Variants in DPYD observed in about 807,000 individuals in gnomAD.
DPYD encodes the protein dihydropyrimidine dehydrogenase.
DPYD carries 109 observed loss-of-function variants against 116.2 expected under a neutral mutation model. The observed-to-expected ratio is 0.94, with a 90% CI of 0.80 to 1.10. The LOEUF is 1.10. Ranked by LOEUF, DPYD falls within the 50% of genes least tolerant of loss-of-function variation. The pLI is 0.00. For synonymous variants in DPYD, 440 were observed against 432.0 expected, an observed-to-expected ratio of 1.02 and a Z score of -0.23; for missense variants, 1,302 against 1,254.5, an observed-to-expected ratio of 1.04 and a Z score of -0.57.
rs1661806414 is a variant in DPYD, at chr1:97,234,920, C to A, written c.2374G>T (p.Ala792Ser). The A allele has an allele frequency of 6.2e-7, 1 of 1,613,852 alleles. No individual in the cohort carries two copies. The highest frequency in any genetic ancestry group is 8.5e-7 in the Non-Finnish European group (1 of 1,179,986). The change falls in exon 19 of 23, where the codon GCT becomes TCT. Residue 792 changes from alanine (A) to serine (S), a missense_variant. By Grantham distance (99) the Ala-to-Ser change is moderately conservative. Transcript: ENST00000370192. The stretch of plus-strand genomic sequence containing the variant: ...TCAGCAGAGTCAATTCCACCAGTAG[C>A]CAAAATGGGAAATCCAGGCAGAGCA... ...ARALPGFPIL[A>S]TGGIDSAESG...
intron 11 of DPYD, among the ~76,000 whole-genome samples, chr1:97,553,746 A>T (rs1457768911): frequency 6.6e-6 from 1 of 151,994 alleles, no homozygotes; most frequent in Non-Finnish European, 1.5e-5. Flanking sequence ...TTGCATCTTG[A>T]TGGAGACTGT....
At chr1:97,667,196 G>C (rs1370207402) in intron 8 of DPYD, among the ~76,000 whole-genome samples, 2 of 152,086 alleles carry the variant, frequency 1.3e-5, no homozygotes, top group African/African-American at 4.8e-5. Context: ...TTATTAGTTA[G>C]AAATTTAAAT....
intron 3 of DPYD, among the ~76,000 whole-genome samples, chr1:97,823,963 A>G (rs1336781099): frequency 6.6e-6 from 1 of 150,860 alleles, no homozygotes; most frequent in Non-Finnish European, 1.5e-5. Context: ...GTGATTGAAC[A>G]TGTCCTGAAC....
intron 2 of DPYD, among the ~76,000 whole-genome samples, chr1:97,861,134 A>G (rs1196356107): frequency 6.6e-6 from 1 of 152,082 alleles, no homozygotes; most frequent in Admixed American, 6.6e-5. Context: ...ACCGCAAAAA[A>G]TAGACATAAA....
At chr1:97,232,530 G>C (rs1426696594) in intron 19 of DPYD, among the ~76,000 whole-genome samples, 1 of 151,934 alleles carries the variant, frequency 6.6e-6, no homozygotes, top group Non-Finnish European at 1.5e-5. Flanking sequence ...GGACATTAGT[G>C]TTACATCTTT....
intron 8 of DPYD, among the ~76,000 whole-genome samples, chr1:97,649,155 C>T (rs1658437252): frequency 6.6e-6 from 1 of 152,036 alleles, no homozygotes; most frequent in South Asian, 2.1e-4. Flanking sequence ...TGTTTGCCTA[C>T]ATATTGCAGT....
At chr1:97,103,477 G>A (rs1403952617) in intron 20 of DPYD, among the ~76,000 whole-genome samples, 2 of 152,126 alleles carry the variant, frequency 1.3e-5, no homozygotes, top group Non-Finnish European at 2.9e-5. Flanking sequence ...ATAGTGCTAT[G>A]TGATGGCTAA....
intron 12 of DPYD, among the ~76,000 whole-genome samples, chr1:97,522,958 CCT>C (rs1206366577): frequency 6.6e-6 from 1 of 151,966 alleles, no homozygotes; most frequent in Non-Finnish European, 1.5e-5. Context: ...ATCTCATTTA[CCT>C]ATATGCTATG....
At position 97,229,207 on chromosome 1, in the gene DPYD, AAAAAAAAAAAAAG is replaced by A. The variant is rs1277540509; in HGVS notation, c.2442+5632_2442+5644del. 6.4e-3 allele frequency among the ~76,000 whole-genome samples: 920 copies of A among 144,862 alleles called. 13 individuals are homozygous for A. The highest frequency in any genetic ancestry group is 0.024 in the African/African-American group (887 of 37,022). ...CAACAGTGCGAGACTCCTTCTCAAAAAAAAAAAAAAAAGAAAAAAAAAAAAGAATTTGATGGGA... is the reference window on the plus strand; with the variant it reads ...CAACAGTGCGAGACTCCTTCTCAAAAAAAAAAAAAAAAGAATTTGATGGGA... On this transcript the variant is annotated intron_variant, in intron 19 of 22. Transcript: ENST00000370192.
chr1:97,208,385 T>C (rs933575505), intron 19 of DPYD, among the ~76,000 whole-genome samples: 1 of 151,230 alleles, frequency 6.6e-6, no homozygotes, highest in African/African-American at 2.4e-5. Flanking sequence ...CCTGGGCACA[T>C]GCAATCCTCC....
At chr1:97,110,560 A>G (rs956910974) in intron 20 of DPYD, among the ~76,000 whole-genome samples, 2 of 152,126 alleles carry the variant, frequency 1.3e-5, no homozygotes, top group African/African-American at 4.8e-5. Context: ...TGTCATCCTA[A>G]AAACAAATAT....
intron 5 of DPYD, among the ~76,000 whole-genome samples, chr1:97,711,798 T>C (rs1478425346): frequency 2.0e-5 from 3 of 152,028 alleles, no homozygotes; most frequent in Non-Finnish European, 4.4e-5. Context: ...GTCAATATTA[T>C]AAAACTTTTT....
At chr1:97,570,722 T>A (rs920240674) in intron 11 of DPYD, among the ~76,000 whole-genome samples, 9 of 151,896 alleles carry the variant, frequency 5.9e-5, no homozygotes, top group Non-Finnish European at 8.8e-5. Flanking sequence ...GTGAACTTTT[T>A]TTTTTTTACT....
intron 3 of DPYD, among the ~76,000 whole-genome samples, chr1:97,762,955 C>G (rs1228821599): frequency 6.6e-6 from 1 of 152,048 alleles, no homozygotes; most frequent in Admixed American, 6.6e-5. Context: ...ATAAAAAGCT[C>G]CTTCTTCCTA....
chr1:97,683,553 T>C (rs1385556089), intron 7 of DPYD, among the ~76,000 whole-genome samples: 1 of 151,986 alleles, frequency 6.6e-6, no homozygotes, highest in Non-Finnish European at 1.5e-5. Context: ...TCTTCATTCA[T>C]ATTTTATACT....
chr1:97,420,932 TCTG>T (rs1674548380), intron 14 of DPYD, among the ~76,000 whole-genome samples: 1 of 152,208 alleles, frequency 6.6e-6, no homozygotes, highest in South Asian at 2.1e-4. Flanking sequence ...GTGTTTCTCA[TCTG>T]CACATAGTTT....
At position 97,920,996 on chromosome 1, in the gene DPYD, G is replaced by A. The variant is rs1558055216; in HGVS notation, c.-74C>T. On this transcript the variant is annotated 5_prime_UTR_variant, in exon 1 of 23. Coordinates refer to ENST00000370192, the MANE Select transcript of DPYD (RefSeq NM_000110.4). ...CCTCAAGCTCCAGCCAGAGAGCCAA[G>A]TGACAGCAGCCGGAGCGCGAGTCGA... The A allele has an allele frequency of 3.3e-6, 5 of 1,537,392 alleles. No homozygotes were observed. In the East Asian group the frequency reaches 9.8e-5, roughly 30 times the overall value.
intron 3 of DPYD, among the ~76,000 whole-genome samples, chr1:97,772,566 T>C (rs981841647): frequency 6.6e-6 from 1 of 152,188 alleles, no homozygotes; most frequent in Non-Finnish European, 1.5e-5. Flanking sequence ...AACAGATGCA[T>C]TGTTTGTGTG....
intron 21 of DPYD, among the ~76,000 whole-genome samples, chr1:97,090,315 C>CT (rs1649814891): frequency 1.3e-5 from 2 of 152,104 alleles, no homozygotes; most frequent in Admixed American, 1.3e-4. Context: ...AGGTTTAGAG[C>CT]TACCCTTTGG....
Sources: allele counts gnomAD v4.1 joint callset (sites outside exome capture counted in the v4.1 genomes callset), GRCh38; gene constraint gnomAD v4.1.1; transcripts MANE v1.5; gene names NCBI Gene and HGNC (gene_info 2026-07-23, HGNC 2026-07-21).